Variants in ADHFE1 observed in about 807,000 individuals in gnomAD.
ADHFE1 encodes hydroxyacid-oxoacid transhydrogenase, mitochondrial.
A neutral mutation model predicts 54.8 loss-of-function variants in ADHFE1; 37 were observed. That is an observed-to-expected ratio of 0.68 (90% confidence interval 0.52 to 0.89). The LOEUF (loss-of-function observed/expected upper bound fraction) is 0.89, where lower values mean the gene tolerates loss of function less well. Ranked by LOEUF, ADHFE1 falls within the 40% of genes least tolerant of loss-of-function variation. The pLI is 0.00. For missense variants in ADHFE1, 601 were observed against 591.2 expected, an observed-to-expected ratio of 1.02 and a Z score of -0.17; for synonymous variants, 203 against 229.3, an observed-to-expected ratio of 0.89 and a Z score of 1.04.
chr8:66,453,996 T>G lies in ADHFE1; in HGVS notation c.888-63T>G, dbSNP rs1018819574. The G allele has an allele frequency of 1.5e-5, 23 of 1,580,716 alleles. No homozygotes were observed. In the African/African-American group the frequency reaches 3.0e-4, roughly 21 times the overall value. On this transcript the variant is annotated intron_variant, in intron 9 of 13. Coordinates refer to ENST00000396623, the MANE Select transcript of ADHFE1 (RefSeq NM_144650.3). ...TCACCATATCTTTCCCTAAGGCAGCTCCTTATTCTGTAGGAATTGCCAATG... is the reference window on the plus strand; with the variant it reads ...TCACCATATCTTTCCCTAAGGCAGCGCCTTATTCTGTAGGAATTGCCAATG...
rs1420433078 is a variant in ADHFE1 at position 66,442,345 on chromosome 8, C to G, written c.98-453C>G. On this transcript the variant is annotated intron_variant, in intron 2 of 13. Coordinates refer to ENST00000396623, the MANE Select transcript of ADHFE1 (RefSeq NM_144650.3). ...TTTTTTTTTGAGACGGGGTCTCACT[C>G]TGTTGTCCAGGCTGGAGTGCAGTGG... 2.1e-5 allele frequency among the ~76,000 whole-genome samples: 3 copies of G among 140,508 alleles called. No individual in the cohort carries two copies. The Admixed American group carries it at 2.3e-4, about 11-fold the overall frequency. The allele number at this position is 140,508 out of a possible 152,430, so 92.2% of individuals were successfully genotyped here.
Position 66,440,195 on chromosome 8 carries a change from C to G in ADHFE1, c.93C>G (p.Ser31=). The part of the protein sequence containing the change: ...CQCPTHSHTY[S]QAPGLSPSGK... ...GCCCAACTCATTCTCATACTTACTC[C>G]CAAGGTAATACTTCTGTATTTTTAA... The change falls in exon 2 of 14, where the codon TCC becomes TCG. Residue 31 remains serine (S), a synonymous_variant. Coordinates refer to ENST00000396623, the MANE Select transcript of ADHFE1 (RefSeq NM_144650.3). The G allele has an allele frequency of 6.2e-7, 1 of 1,611,136 alleles. No homozygotes were observed.
intron 13 of ADHFE1, among the ~76,000 whole-genome samples, chr8:66,467,327 T>C (rs770109874): frequency 6.6e-6 from 1 of 152,144 alleles, no homozygotes; most frequent in Non-Finnish European, 1.5e-5. Flanking sequence ...GAGAAAATGG[T>C]AGGAGCGGTG....
chr8:66,448,049 C>T (rs1424949021), intron 7 of ADHFE1, among the ~76,000 whole-genome samples: 3 of 152,210 alleles, frequency 2.0e-5, no homozygotes, highest in Admixed American at 6.5e-5. Flanking sequence ...CCTCATGCTC[C>T]GTCCCAGCCA....
Position 66,444,638 on chromosome 8 carries a change from C to G in ADHFE1, c.243C>G (p.Asp81Glu), listed in dbSNP as rs755766188. Reference protein sequence around the residue: ...MGAKNVCLMTDKNLSKLPPVQ... With the variant: ...MGAKNVCLMTEKNLSKLPPVQ... The stretch of plus-strand genomic sequence containing the variant: ...CTAAAAATGTGTGCTTGATGACAGA[C>G]AAGAACCTCTCCAAGCTCCCTCCTG... The change falls in exon 5 of 14, where the codon GAC becomes GAG. Residue 81 changes from aspartate to glutamate, a missense_variant. By Grantham distance (45) the Asp-to-Glu change is conservative. Coordinates refer to ENST00000396623, the MANE Select transcript of ADHFE1 (RefSeq NM_144650.3). The G allele has an allele frequency of 1.9e-6, 3 of 1,614,212 alleles. No homozygotes were observed. The highest frequency in any genetic ancestry group is 2.5e-6 in the Non-Finnish European group (3 of 1,180,042).
chr8:66,449,174 G>A (rs113653016), intron 8 of ADHFE1, among the ~76,000 whole-genome samples: 2,248 of 152,312 alleles, frequency 0.015, 66 homozygotes, highest in African/African-American at 0.052. Flanking sequence ...CCACAAACCT[G>A]CTCTTCAGGA....
At position 66,432,669 on chromosome 8, in the gene ADHFE1, C is replaced by T. The variant is rs937995055; in HGVS notation, c.59+94C>T. 4 of 1,236,928 alleles carry T rather than the reference C, an allele frequency of 3.2e-6. No homozygotes were observed. The African/African-American group carries it at 6.2e-5, about 19-fold the overall frequency. The allele number at this position is 1,236,928 out of a possible 1,614,324, so 76.6% of individuals were successfully genotyped here. A position where few individuals can be genotyped will look rare whatever the true frequency, so the allele number is the denominator to read the frequency against. ...CTCAGATCCTGCGCAGTCTTCTCCG[C>T]TTACTTTCAAGAATTCGGAGAATTT... On this transcript the variant is annotated intron_variant, in intron 1 of 13. Coordinates refer to ENST00000396623, the MANE Select transcript of ADHFE1 (RefSeq NM_144650.3).
intron 3 of ADHFE1, among the ~76,000 whole-genome samples, chr8:66,443,153 T>C (rs1159727966): frequency 6.6e-6 from 1 of 151,840 alleles, no homozygotes; most frequent in East Asian, 1.9e-4. Flanking sequence ...ATTATAACAA[T>C]CCCAAAAGAG....
At chr8:66,450,802 C>T (rs1806258680) in intron 8 of ADHFE1, among the ~76,000 whole-genome samples, 1 of 152,364 alleles carries the variant, frequency 6.6e-6, no homozygotes, top group South Asian at 2.1e-4. Flanking sequence ...CCCATGTGGA[C>T]ACCTCATTCT....
chr8:66,458,369 C>T (rs1379836912), intron 12 of ADHFE1, among the ~76,000 whole-genome samples: 1 of 152,150 alleles, frequency 6.6e-6, no homozygotes, highest in Non-Finnish European at 1.5e-5. Flanking sequence ...ATGACACAAG[C>T]CCAGGGCAGA....
chr8:66,460,936 C>T (rs542134855), intron 13 of ADHFE1, among the ~76,000 whole-genome samples: 26 of 152,280 alleles, frequency 1.7e-4, no homozygotes, highest in African/African-American at 5.8e-4. Flanking sequence ...AAATTGCTTT[C>T]GATGAATGTG....
chr8:66,458,007 G>A (rs1806685610), intron 12 of ADHFE1, among the ~76,000 whole-genome samples: 2 of 152,082 alleles, frequency 1.3e-5, no homozygotes, highest in Non-Finnish European at 2.9e-5. Context: ...AGAGGAGTCT[G>A]TTTGCCATAC....
Position 66,443,570 on chromosome 8 carries a change from G to A in ADHFE1, c.144+726G>A, listed in dbSNP as rs140758990. ...CAGGATTACAGGCATAAGCCACCGC[G>A]CCTGCCTTCAGGAATGACTAATTAA... is the stretch of plus-strand genomic sequence containing the variant. On this transcript the variant is annotated intron_variant, in intron 3 of 13. Transcript: ENST00000396623. 3.8e-3 allele frequency among the ~76,000 whole-genome samples: 585 copies of A among 152,140 alleles called. 6 individuals are homozygous for A. The highest frequency in any genetic ancestry group is 5.7e-3 in the Non-Finnish European group (389 of 68,006).
rs374092739 is a variant in ADHFE1 at position 66,440,182 on chromosome 8, C to G, written c.80C>G (p.Ser27Cys). The change falls in exon 2 of 14, where the codon TCT (serine) becomes TGT (cysteine). Residue 27 changes from serine to cysteine, a missense_variant. Transcript: ENST00000396623. ...CCTAGGTGCCAGTGCCCAACTCATTCTCATACTTACTCCCAAGGTAATACT... is the reference window on the plus strand; with the variant it reads ...CCTAGGTGCCAGTGCCCAACTCATTGTCATACTTACTCCCAAGGTAATACT... ...QRAACQCPTH[S>C]HTYSQAPGLS... 6.6e-7 allele frequency: 1 copy of G among 1,507,318 alleles called. No individual in the cohort carries two copies. Among genetic ancestry groups the G allele is most frequent in the Non-Finnish European group, 9.0e-7 (1 of 1,107,200 alleles). The allele number at this position is 1,507,318 out of a possible 1,614,324, so 93.4% of individuals were successfully genotyped here. A position where few individuals can be genotyped will look rare whatever the true frequency, so the allele number is the denominator to read the frequency against.
chr8:66,464,210 T>C (rs1006189040), intron 13 of ADHFE1, among the ~76,000 whole-genome samples: 1 of 152,202 alleles, frequency 6.6e-6, no homozygotes, highest in Non-Finnish European at 1.5e-5. Context: ...TTGCTTAACA[T>C]ATCTTAATTC....
intron 13 of ADHFE1, among the ~76,000 whole-genome samples, chr8:66,463,601 T>C (rs1327430537): frequency 6.7e-6 from 1 of 148,480 alleles, no homozygotes; most frequent in Non-Finnish European, 1.5e-5. Flanking sequence ...ATAACTACTA[T>C]GGAATTTTGT....
At chr8:66,441,569 T>C (rs1219698450) in intron 2 of ADHFE1, among the ~76,000 whole-genome samples, 1 of 152,212 alleles carries the variant, frequency 6.6e-6, no homozygotes, top group Non-Finnish European at 1.5e-5. Flanking sequence ...CTGACCAGTA[T>C]TGATATAAAT....
rs1333955378 is a variant in ADHFE1 at position 66,452,127 on chromosome 8, A to G, written c.887+22A>G. 3 of 1,612,566 alleles carry G rather than the reference A, an allele frequency of 1.9e-6. No homozygotes were observed. The African/African-American group carries it at 4.0e-5, about 22-fold the overall frequency. ...AGAGGTATGTCACCCCGAAGGGGAT[A>G]GAAATAGAACAGGAGGCCCACATTC... On this transcript the variant is annotated intron_variant, in intron 9 of 13. Transcript: ENST00000396623.
chr8:66,432,820 G>A (rs1805272413), intron 1 of ADHFE1: 1 of 1,225,512 alleles, frequency 8.2e-7, no homozygotes. Context: ...AGAAACTGAG[G>A]CCCAGAGAGG....
Sources: gnomAD v4.1 joint callset for allele counts (sites outside exome capture counted in the v4.1 genomes callset) on GRCh38, gnomAD v4.1.1 for gene constraint, MANE v1.5 for transcripts, NCBI Gene and HGNC (gene_info 2026-07-23, HGNC 2026-07-21) for gene names.